The following ZEB2 variants were observed in gnomAD, a reference collection of about 807,000 sequenced individuals.
ZEB2 encodes zinc finger E-box binding homeobox 2.
A neutral mutation model predicts 99.9 loss-of-function variants in ZEB2; 6 were observed. The observed-to-expected ratio is 0.06, with a 90% CI of 0.03 to 0.12. The LOEUF is 0.12. Among genes scored for constraint, ZEB2 ranks in the 10% least tolerant of loss-of-function variants. The pLI, the probability that ZEB2 is intolerant of heterozygous loss-of-function variation, is 1.00. For synonymous variants in ZEB2, 517 were observed against 542.5 expected (o/e 0.95, Z 0.65); for missense variants, 969 against 1,502.8 (o/e 0.64, Z 5.87).
rs186419767 is a variant in ZEB2 at position 144,423,506 on chromosome 2, T to C, written c.403+1290A>G. 6.6e-4 allele frequency among the ~76,000 whole-genome samples: 100 copies of C among 152,322 alleles called. No individual in the cohort carries two copies. The Middle Eastern group carries it at 0.01, about 16-fold the overall frequency. ...TATTATTATCAAGAAACTAGTTGAA[T>C]CTATTCGTTTTGCAGTTGTGGGAAC... On this transcript the variant is annotated intron_variant, in intron 4 of 9. Coordinates refer to ENST00000627532, the MANE Select transcript of ZEB2 (RefSeq NM_014795.4).
chr2:144,489,118 A>AT (rs1409999366), intron 2 of ZEB2, among the ~76,000 whole-genome samples: 1 of 152,192 alleles, frequency 6.6e-6, no homozygotes, highest in East Asian at 1.9e-4. Context: ...CACGAGTGCT[A>AT]TTTAACATAA....
At chr2:144,405,431 G>T in intron 4 of ZEB2, 1 of 223,602 alleles carries the variant, frequency 4.5e-6, no homozygotes, top group East Asian at 1.3e-4. Context: ...TTCTAAGAAA[G>T]GTATATTTAA....
At chr2:144,435,460 A>G (rs1035320694) in intron 2 of ZEB2, among the ~76,000 whole-genome samples, 1 of 151,944 alleles carries the variant, frequency 6.6e-6, no homozygotes, top group African/African-American at 2.4e-5. Context: ...TCAGTCAGGT[A>G]TGGTGTTGCA....
chr2:144,511,608 C>A, intron 2 of ZEB2: 1 of 1,286,314 alleles, frequency 7.8e-7, no homozygotes, highest in Non-Finnish European at 1.0e-6. Context: ...CTCCCCACAG[C>A]CCAAATAGTC....
chr2:144,398,229 T>A, intron 8 of ZEB2, 72 bp downstream of exon 8: 1 of 1,585,104 alleles, frequency 6.3e-7, no homozygotes, highest in Non-Finnish European at 8.6e-7. Context: ...AAGATTTTTT[T>A]TTCCTACATG....
intron 2 of ZEB2, among the ~76,000 whole-genome samples, chr2:144,430,238 T>C (rs1703752341): frequency 6.6e-6 from 1 of 152,154 alleles, no homozygotes; most frequent in Admixed American, 6.5e-5. Flanking sequence ...AACAATTTTT[T>C]CCTAAAAATG....
Position 144,405,018 on chromosome 2 carries a change from T to C in ZEB2, c.410A>G (p.Asn137Ser), listed in dbSNP as rs1370082779. 6.2e-7 allele frequency: 1 copy of C among 1,613,784 alleles called. No homozygotes were observed. The highest frequency in any genetic ancestry group is 1.1e-5 in the South Asian group (1 of 91,088). Residue 137 changes from asparagine to serine, a missense_variant, in exon 5 of 10, where the codon AAT becomes AGT. Asn to Ser is a conservative substitution (Grantham distance 46). This residue lies in a region of ZEB2 where 173 missense variants were observed against 217.7 expected (regional missense o/e 0.79). Coordinates refer to ENST00000627532, the MANE Select transcript of ZEB2 (RefSeq NM_014795.4). ...QTAINNGTVKNANCTSDFEEY... is the reference protein window; with the variant it reads ...QTAINNGTVKSANCTSDFEEY... ...CTCAAAATCTGATGTGCAATTTGCA[T>C]TCTTCACTGAAATCATAAAAGGAGA...
In ZEB2 at chr2:144,404,694, A is replaced by C. The variant is rs1573721965; in HGVS notation, c.592+142T>G. The C allele has an allele frequency of 1.9e-5, 21 of 1,118,050 alleles. No individual in the cohort carries two copies. In the East Asian group the frequency reaches 5.2e-4, roughly 28 times the overall value. 69.3% of individuals were successfully genotyped at this position (1,118,050 alleles called of 1,614,324 possible). ...AAATTTCACAATACCCTAAAATTAC[A>C]GTTCTAATCTTTGCTCATGAAATTC... On this transcript the variant is annotated intron_variant, in intron 5 of 9. Transcript: ENST00000627532.
intron 2 of ZEB2, among the ~76,000 whole-genome samples, chr2:144,480,726 TAAAAAAA>T (rs765124109): frequency 1.9e-5 from 1 of 51,668 alleles, no homozygotes; most frequent in African/African-American, 5.5e-5. Flanking sequence ...TACTAAAAGT[TAAAAAAA>T]AAAAAAAGAA....
At chr2:144,511,997 T>C in intron 2 of ZEB2, 1 of 1,287,226 alleles carries the variant, frequency 7.8e-7, no homozygotes, top group Non-Finnish European at 1.0e-6. Context: ...CTTTATCTCT[T>C]TGCTCTGAAA....
chr2:144,424,347 G>C (rs926603518), intron 4 of ZEB2: 1 of 518,484 alleles, frequency 1.9e-6, no homozygotes, highest in South Asian at 1.4e-5. Context: ...TAATTATTGA[G>C]AGAAATGTTC....
intron 2 of ZEB2, among the ~76,000 whole-genome samples, chr2:144,445,265 CTTTTTTTTT>C (rs11287771): frequency 2.7e-5 from 2 of 74,202 alleles, no homozygotes; most frequent in Non-Finnish European, 5.5e-5. Flanking sequence ...CTTTCCTCCT[CTTTTTTTTT>C]TTTTTTTTTT....
In ZEB2 at chr2:144,473,101, G is replaced by A. The variant is rs1381316364; in HGVS notation, c.74-43075C>T. On this transcript the variant is annotated intron_variant, in intron 2 of 9. Coordinates refer to ENST00000627532, the MANE Select transcript of ZEB2 (RefSeq NM_014795.4). Reference sequence around the variant, plus strand: ...CCCCATGGGCCAAGGCCAAAGCCTAGACTAAGACCACAACTATGAGAATGG... The same window carrying A: ...CCCCATGGGCCAAGGCCAAAGCCTAAACTAAGACCACAACTATGAGAATGG... Among the ~76,000 whole-genome samples the A allele has an allele frequency of 2.6e-5, 4 of 152,316 alleles. No homozygotes were observed. In the South Asian group the frequency reaches 8.3e-4, roughly 32 times the overall value.
intron 2 of ZEB2, among the ~76,000 whole-genome samples, chr2:144,449,168 C>G (rs1037132643): frequency 1.3e-5 from 2 of 152,186 alleles, no homozygotes; most frequent in Non-Finnish European, 2.9e-5. Flanking sequence ...GGCAGCATCT[C>G]GTCCTGCAAA....
intron 4 of ZEB2, among the ~76,000 whole-genome samples, chr2:144,422,369 C>T (rs892094234): frequency 6.6e-6 from 1 of 152,212 alleles, no homozygotes; most frequent in Admixed American, 6.5e-5. Context: ...CTTCTTGGCT[C>T]ACAGACTCCT....
chr2:144,441,025 G>A (rs997959253), intron 2 of ZEB2, among the ~76,000 whole-genome samples: 2 of 147,532 alleles, frequency 1.4e-5, no homozygotes, highest in African/African-American at 5.0e-5. Context: ...CTCAAGCAGG[G>A]CGCTCCATGC....
At chr2:144,442,165 A>G (rs1471179423) in intron 2 of ZEB2, among the ~76,000 whole-genome samples, 1 of 152,206 alleles carries the variant, frequency 6.6e-6, no homozygotes, top group East Asian at 1.9e-4. Context: ...GTATTCATAC[A>G]TGACTATAAA....
chr2:144,518,533 C>T (rs1468062746), intron 1 of ZEB2: 1 of 152,146 alleles, frequency 6.6e-6, no homozygotes, highest in African/African-American at 2.4e-5. Flanking sequence ...ACGCCCCACA[C>T]CTATTGTCTC....
intron 2 of ZEB2, among the ~76,000 whole-genome samples, chr2:144,474,150 A>G (rs1036311049): frequency 5.3e-5 from 8 of 152,174 alleles, no homozygotes; most frequent in Admixed American, 2.6e-4. Flanking sequence ...CTGGGAGAGG[A>G]GCAGAGCCCT....
Sources: gnomAD v4.1 joint callset for allele counts (sites outside exome capture counted in the v4.1 genomes callset) on GRCh38, gnomAD v4.1.1 for gene constraint, gnomAD v4.1.1 regional missense constraint, MANE v1.5 for transcripts, NCBI Gene and HGNC (gene_info 2026-07-23, HGNC 2026-07-21) for gene names.